Variants in ATG2B observed in about 807,000 individuals in gnomAD.
ATG2B encodes autophagy-related protein 2 homolog B.
Under a neutral mutation model 241.3 loss-of-function variants are expected in ATG2B, and 121 were observed. That is an observed-to-expected ratio of 0.50 (90% CI 0.43 to 0.58). The LOEUF is 0.58. Ranked by LOEUF, ATG2B falls within the 20% of genes least tolerant of loss-of-function variation. The pLI is 0.00. For missense variants in ATG2B, 2,306 were observed against 2,491.6 expected, an observed-to-expected ratio of 0.93 and a Z score of 1.59; for synonymous variants, 858 against 876.6, an observed-to-expected ratio of 0.98 and a Z score of 0.37.
chr14:96,308,263 T>TATATATATATATATAC (rs1887039360), intron 29 of ATG2B, among the ~76,000 whole-genome samples: 1 of 26,458 alleles, frequency 3.8e-5, no homozygotes, highest in Non-Finnish European at 8.5e-5. Context: ...CACACATATA[T>TATATATATATATATAC]ATATATATAT....
chr14:96,336,567 T>C (rs549566615), intron 6 of ATG2B, among the ~76,000 whole-genome samples: 7 of 152,288 alleles, frequency 4.6e-5, no homozygotes, highest in African/African-American at 1.7e-4. Flanking sequence ...ACATAATGTT[T>C]TATTATAAAA....
intron 14 of ATG2B, among the ~76,000 whole-genome samples, chr14:96,326,693 T>C (rs1201142531): frequency 2.6e-5 from 4 of 152,206 alleles, no homozygotes; most frequent in African/African-American, 7.2e-5. Flanking sequence ...CCTCCATGAT[T>C]TGAAAACTCC....
chr14:96,310,890 T>C (rs922070329), intron 28 of ATG2B, among the ~76,000 whole-genome samples: 12 of 151,932 alleles, frequency 7.9e-5, no homozygotes, highest in South Asian at 2.1e-4. Context: ...AAAAAAAGTA[T>C]GATGTTTGCT....
Position 96,304,536 on chromosome 14 carries a change from C to G in ATG2B, c.4801G>C (p.Gly1601Arg). 6.2e-7 allele frequency: 1 copy of G among 1,612,126 alleles called. No homozygotes were observed. Among genetic ancestry groups the G allele is most frequent in the Non-Finnish European group, 8.5e-7 (1 of 1,179,156 alleles). The change falls in exon 32 of 42, where the codon GGA (glycine) becomes CGA (arginine). Residue 1601 changes from glycine to arginine, a missense_variant. By Grantham distance (125) the Gly-to-Arg change is moderately radical. Around this residue, in one of 2 missense-constraint regions of ATG2B, gnomAD observed 1,927 missense variants for 2,011.2 expected, o/e 0.96. Coordinates refer to ENST00000359933, the MANE Select transcript of ATG2B (RefSeq NM_018036.7). Reference protein sequence around the residue: ...HGRNTVCGGKGRNHDFLMEIQ... With the variant: ...HGRNTVCGGKRRNHDFLMEIQ... Reference sequence around the variant, plus strand: ...TCCATTAAAAAGTCATGGTTCCTTCCTTTTCCCCCACATACTGTATTACGT... The same window carrying G: ...TCCATTAAAAAGTCATGGTTCCTTCGTTTTCCCCCACATACTGTATTACGT...
chr14:96,363,253 C>G lies in ATG2B; in HGVS notation c.-277G>C. 1 of 368,468 alleles carries G rather than the reference C, an allele frequency of 2.7e-6. No individual in the cohort carries two copies. The highest frequency in any genetic ancestry group is 5.0e-6 in the Non-Finnish European group (1 of 201,504). The allele number at this position is 368,468 out of a possible 1,614,324, so 22.8% of individuals were successfully genotyped here. On this transcript the variant is annotated 5_prime_UTR_variant, in exon 1 of 42. Transcript: ENST00000359933. ...GGCTCGGAGAGAGTGCAAGAGAGCG[C>G]GAGAGGAGGCGGCAGGGGCTGAGGC... is the stretch of plus-strand genomic sequence containing the variant.
At chr14:96,329,205 G>C (rs1019682535) in intron 12 of ATG2B, among the ~76,000 whole-genome samples, 2 of 152,156 alleles carry the variant, frequency 1.3e-5, no homozygotes, top group African/African-American at 4.8e-5. Context: ...CTGAAATGAA[G>C]AGTGCTTTGA....
rs1408666276 is a variant in ATG2B at position 96,332,367 on chromosome 14, T to C, written c.1406A>G (p.Gln469Arg). The change falls in exon 10 of 42, where the codon CAG becomes CGG. Residue 469 changes from glutamine (Q) to arginine (R), a missense_variant. Gln to Arg is a conservative substitution (Grantham distance 43). Coordinates refer to ENST00000359933, the MANE Select transcript of ATG2B (RefSeq NM_018036.7). ...TGGAAATGTTGACCCTCTTACTGGC[T>C]GTTCTTTATGATGATCAAGGAACTC... Reference protein sequence around the residue: ...WGEFLDHHKEQPVRGSTFPSN... With the variant: ...WGEFLDHHKERPVRGSTFPSN... 9 of 1,613,844 alleles carry C rather than the reference T, an allele frequency of 5.6e-6. No homozygotes were observed. The highest frequency in any genetic ancestry group is 4.2e-6 in the Non-Finnish European group (5 of 1,179,842).
chr14:96,301,349 C>G (rs1461807408), intron 34 of ATG2B, among the ~76,000 whole-genome samples: 1 of 152,224 alleles, frequency 6.6e-6, no homozygotes, highest in African/African-American at 2.4e-5. Flanking sequence ...CCAGGTCTGA[C>G]TCCAAACCCA....
intron 11 of ATG2B, among the ~76,000 whole-genome samples, chr14:96,330,136 G>A (rs1026811862): frequency 2.0e-5 from 3 of 151,226 alleles, no homozygotes; most frequent in Non-Finnish European, 4.4e-5. Context: ...GATCACCTGA[G>A]GTCAGGACTT....
chr14:96,354,415 G>A (rs970195469), intron 1 of ATG2B, among the ~76,000 whole-genome samples: 1 of 152,118 alleles, frequency 6.6e-6, no homozygotes, highest in African/African-American at 2.4e-5. Context: ...CAAGGATAAC[G>A]GCTTCCAGCT....
At chr14:96,357,197 T>G (rs1294264502) in intron 1 of ATG2B, among the ~76,000 whole-genome samples, 1 of 152,216 alleles carries the variant, frequency 6.6e-6, no homozygotes, top group African/African-American at 2.4e-5. Context: ...CCACTCACCT[T>G]TTTTGAAATT....
intron 1 of ATG2B, among the ~76,000 whole-genome samples, chr14:96,357,863 A>G (rs1209287416): frequency 6.6e-6 from 1 of 152,190 alleles, no homozygotes; most frequent in Non-Finnish European, 1.5e-5. Context: ...CTATTACTTC[A>G]TACCTCATAT....
chr14:96,289,537 T>C lies in ATG2B; in HGVS notation c.6006+119A>G, dbSNP rs574950168. 501 of 1,243,376 alleles carry C rather than the reference T, an allele frequency of 4.0e-4. 9 individuals carry two copies. The South Asian group carries it at 6.7e-3, about 17-fold the overall frequency. The allele number at this position is 1,243,376 out of a possible 1,614,324, so 77.0% of individuals were successfully genotyped here. A position where few individuals can be genotyped will look rare whatever the true frequency, so the allele number is the denominator to read the frequency against. ...TATGGGCACATGTTATTAGTGGCAG[T>C]TGCCATTCTGCTCCCAGGGATTTCT... On this transcript the variant is annotated intron_variant, in intron 41 of 41. Transcript: ENST00000359933. The surrounding 1 kb of genome is among the most constrained non-coding windows in gnomAD (Gnocchi z 4.3).
At chr14:96,286,030 C>G in intron 41 of ATG2B, 45 bp from the exon 42 acceptor site, 6 of 1,512,972 alleles carry the variant, frequency 4.0e-6, no homozygotes, top group Non-Finnish European at 5.4e-6. Flanking sequence ...AGTGAACAAA[C>G]TCTGGTCGGA....
chr14:96,317,201 G>A lies in ATG2B; in HGVS notation c.3154C>T (p.Leu1052Phe). The change falls in exon 20 of 42, where the codon CTC becomes TTC. Residue 1052 changes from leucine to phenylalanine, a missense_variant. By Grantham distance (22) the Leu-to-Phe change is conservative (BLOSUM62 0). This residue lies in a region of ATG2B where 1,927 missense variants were observed against 2,011.2 expected (regional missense o/e 0.96). Coordinates refer to ENST00000359933, the MANE Select transcript of ATG2B (RefSeq NM_018036.7). ...TGATTAATATTCAGAAGAACTGAGA[G>A]AAAACTCTGAGAGTTCTTGTTCTGA... ...DSQNKNSQSF[L>F]SVLLNINHGL... 1 of 1,613,840 alleles carries A rather than the reference G, an allele frequency of 6.2e-7. No individual in the cohort carries two copies. The highest frequency in any genetic ancestry group is 8.5e-7 in the Non-Finnish European group (1 of 1,179,772).
chr14:96,322,047 G>A, intron 18 of ATG2B, 65 bp downstream of exon 18: 2 of 1,230,422 alleles, frequency 1.6e-6, no homozygotes, highest in Non-Finnish European at 2.2e-6. Flanking sequence ...AGGGGGAAGA[G>A]GAAAATCAGG....
At chr14:96,306,960 A>C in intron 29 of ATG2B, 44 bp from the exon 30 acceptor site, 102 of 1,492,646 alleles carry the variant, frequency 6.8e-5, no homozygotes, top group Middle Eastern at 1.8e-4. Context: ...TTGAAATATC[A>C]ACAACAACAA....
Position 96,322,467 on chromosome 14 carries a change from T to TA in ATG2B, c.2736+72dup, listed in dbSNP as rs1280705778. 3.0e-5 allele frequency: 44 copies of TA among 1,465,756 alleles called. No homozygotes were observed. The East Asian group carries it at 4.5e-4, about 15-fold the overall frequency. The allele number at this position is 1,465,756 out of a possible 1,614,324, so 90.8% of individuals were successfully genotyped here. On this transcript the variant is annotated intron_variant, in intron 17 of 41. Transcript: ENST00000359933. Reference sequence around the variant, plus strand: ...AGTACACAAGGCATTTTTTTAAAAATAAAAAATCAAAAGCATTGCTCTATG... The same window carrying TA: ...AGTACACAAGGCATTTTTTTAAAAATAAAAAAATCAAAAGCATTGCTCTATG...
Position 96,329,551 on chromosome 14 carries a change from C to G in ATG2B, c.1814G>C (p.Gly605Ala). The G allele has an allele frequency of 6.2e-7, 1 of 1,612,332 alleles. No homozygotes were observed. The highest frequency in any genetic ancestry group is 8.5e-7 in the Non-Finnish European group (1 of 1,178,738). ...SRYFSTDMSIGQMEFLECLFP... is the reference protein window; with the variant it reads ...SRYFSTDMSIAQMEFLECLFP... ...TAGGCACTCCAAAAATTCCATTTGCCCAATGGACATATCAGTACTAAAATA... is the reference window on the plus strand; with the variant it reads ...TAGGCACTCCAAAAATTCCATTTGCGCAATGGACATATCAGTACTAAAATA... Residue 605 changes from glycine to alanine, a missense_variant, in exon 12 of 42, where the codon GGG (glycine) becomes GCG (alanine). Gly to Ala is a moderately conservative substitution (Grantham distance 60). This residue lies in a region of ATG2B where 1,927 missense variants were observed against 2,011.2 expected (regional missense o/e 0.96). Coordinates refer to ENST00000359933, the MANE Select transcript of ATG2B (RefSeq NM_018036.7).
Sources: gnomAD v4.1 joint callset for allele counts (sites outside exome capture counted in the v4.1 genomes callset) on GRCh38, gnomAD v4.1.1 for gene constraint, gnomAD v4.1.1 regional missense constraint, Gnocchi (gnomAD v3.1) non-coding constraint, MANE v1.5 for transcripts, NCBI Gene and HGNC (gene_info 2026-07-23, HGNC 2026-07-21) for gene names.